XRCC1: variants seen among roughly 807,000 people sequenced by gnomAD.
XRCC1 encodes DNA repair protein XRCC1.
XRCC1 carries 52 observed loss-of-function variants against 83.3 expected under a neutral mutation model. The ratio of observed to expected loss-of-function variants is 0.62; its 90% CI spans 0.50 to 0.79. The LOEUF is 0.79. Among genes scored for constraint, XRCC1 ranks in the 30% least tolerant of loss-of-function variants. The pLI is 0.00. For synonymous variants in XRCC1, 281 were observed against 312.6 expected (o/e 0.90, Z 1.07); for missense variants, 793 against 823.5 (o/e 0.96, Z 0.45).
chr19:43,553,280 C>T lies in XRCC1; in HGVS notation c.601+121G>A, dbSNP rs1972600985. 8.0e-6 allele frequency: 10 copies of T among 1,248,752 alleles called. No individual in the cohort carries two copies. The South Asian group carries it at 1.2e-4, about 15-fold the overall frequency. 77.4% of individuals were successfully genotyped at this position (1,248,752 alleles called of 1,614,324 possible). The stretch of plus-strand genomic sequence containing the variant: ...TCCTCCACCCTGAGACCCAGGAGTC[C>T]AGGACTCCACTACCCTCCTCCCTCA... On this transcript the variant is annotated intron_variant, in intron 6 of 16. Transcript: ENST00000262887.
At chr19:43,560,702 C>G (rs1393078614) in intron 3 of XRCC1, among the ~76,000 whole-genome samples, 1 of 152,210 alleles carries the variant, frequency 6.6e-6, no homozygotes. Flanking sequence ...AAGCCATGAT[C>G]CAAACTTGCT....
At chr19:43,563,877 C>G (rs925947444) in intron 2 of XRCC1, among the ~76,000 whole-genome samples, 1 of 152,156 alleles carries the variant, frequency 6.6e-6, no homozygotes, top group Non-Finnish European at 1.5e-5. Flanking sequence ...TAGCATCTGT[C>G]TCTCCCGCCA....
chr19:43,554,856 G>T, intron 3 of XRCC1, 52 bp from the exon 4 acceptor site: 1 of 1,576,260 alleles, frequency 6.3e-7, no homozygotes, highest in Non-Finnish European at 8.7e-7. Flanking sequence ...TGGCTTAGAT[G>T]AGAGCTTCTA....
At chr19:43,565,197 C>T (rs1972740512) in intron 2 of XRCC1, among the ~76,000 whole-genome samples, 1 of 152,164 alleles carries the variant, frequency 6.6e-6, no homozygotes, top group Admixed American at 6.6e-5. Flanking sequence ...TAAAATATTT[C>T]CAGGTTCTGG....
chr19:43,543,527 ATAC>A (rs777015591), intron 16 of XRCC1, 22 bp from the exon 17 acceptor site: 1 of 1,613,538 alleles, frequency 6.2e-7, no homozygotes, highest in East Asian at 2.2e-5. Flanking sequence ...GGTGGAGTCC[ATAC>A]GGGAATGTGT....
At chr19:43,546,496 C>G (rs1240778057) in intron 12 of XRCC1, 99 bp downstream of exon 12, 4 of 1,402,154 alleles carry the variant, frequency 2.9e-6, no homozygotes, top group Non-Finnish European at 2.9e-6. Flanking sequence ...AGTCCAGGCC[C>G]CAGCCCCTCC....
chr19:43,560,063 G>A (rs565023284), intron 3 of XRCC1, among the ~76,000 whole-genome samples: 62 of 150,536 alleles, frequency 4.1e-4, no homozygotes, highest in Middle Eastern at 3.6e-3. Context: ...CCTGGGCAAC[G>A]GAAATGAAAC....
intron 14 of XRCC1, among the ~76,000 whole-genome samples, chr19:43,545,536 C>G (rs1301873860): frequency 6.6e-6 from 1 of 152,092 alleles, no homozygotes; most frequent in Non-Finnish European, 1.5e-5. Flanking sequence ...GCCCTCACCC[C>G]TGACGTGAAA....
chr19:43,553,747 CT>C, intron 4 of XRCC1, 64 bp from the exon 5 acceptor site: 2 of 1,375,168 alleles, frequency 1.5e-6, no homozygotes, highest in Non-Finnish European at 2.0e-6. Flanking sequence ...GCCCAAGACC[CT>C]TTTCACTCAG....
chr19:43,568,977 TA>T (rs34220562), intron 2 of XRCC1, among the ~76,000 whole-genome samples: 15,039 of 136,904 alleles, frequency 0.11, 901 homozygotes, highest in East Asian at 0.26. Context: ...CCAAAAAGCT[TA>T]AAAAAAAAAA....
rs192763107 is a variant in XRCC1, at chr19:43,546,230, C to T, written c.1427-124G>A. On this transcript the variant is annotated intron_variant, in intron 12 of 16. Coordinates refer to ENST00000262887, the MANE Select transcript of XRCC1 (RefSeq NM_006297.3). ...GCCTCAACTGCCCTCCAGATCCAGT[C>T]GTCTGGGCCCCCAGCCCCTCCTCCC... 1.3e-4 allele frequency: 140 copies of T among 1,110,888 alleles called. No individual in the cohort carries two copies. In the East Asian group the frequency reaches 3.2e-3, roughly 25 times the overall value. 68.8% of individuals were successfully genotyped at this position (1,110,888 alleles called of 1,614,324 possible).
At position 43,562,171 on chromosome 19, in the gene XRCC1, G is replaced by T. The variant is rs548180100; in HGVS notation, c.145-1151C>A. The stretch of plus-strand genomic sequence containing the variant: ...AAAAAAAAAAAAAAAAAAAACCAAG[G>T]TACCTAGTCCACCCTACACTGCCCT... On this transcript the variant is annotated intron_variant, in intron 2 of 16. Transcript: ENST00000262887. Among the ~76,000 whole-genome samples, 3 of 150,228 alleles carry T rather than the reference G, an allele frequency of 2.0e-5. No homozygotes were observed. The South Asian group carries it at 6.3e-4, about 32-fold the overall frequency.
At position 43,545,949 on chromosome 19, in the gene XRCC1, TC is replaced by T; in HGVS notation, c.1489del (p.Glu497SerfsTer81). The T allele has an allele frequency of 1.2e-6, 2 of 1,613,826 alleles. No individual in the cohort carries two copies. Among genetic ancestry groups the T allele is most frequent in the Non-Finnish European group, 1.7e-6 (2 of 1,179,864 alleles). ...DTEDELRRVA[E>X]QKEHRLPPGQ... The stretch of plus-strand genomic sequence containing the variant: ...AGGGGGCAGTCTGTGTTCCTTCTGC[TC>T]TGCCACCCTGGGGGTGCCAAGAGGA... On this transcript the variant is annotated frameshift_variant, in exon 14 of 17. Transcript: ENST00000262887. LOFTEE classifies it high-confidence loss of function.
At chr19:43,548,658 C>A (rs1342941228) in intron 10 of XRCC1, among the ~76,000 whole-genome samples, 1 of 151,348 alleles carries the variant, frequency 6.6e-6, no homozygotes, top group South Asian at 2.1e-4. Context: ...GGTCCTCTGC[C>A]TAGGAAAGCC....
intron 2 of XRCC1, among the ~76,000 whole-genome samples, chr19:43,572,993 A>C (rs1488745663): frequency 6.9e-6 from 1 of 145,128 alleles, no homozygotes; most frequent in Non-Finnish European, 1.5e-5. Context: ...AGTGCAGTGA[A>C]ACCATCACAG....
In XRCC1 at chr19:43,545,806, G is replaced by A. The variant is rs1972502238; in HGVS notation, c.1621+12C>T. 2 of 1,613,298 alleles carry A rather than the reference G, an allele frequency of 1.2e-6. No homozygotes were observed. Among genetic ancestry groups the A allele is most frequent in the East Asian group, 4.5e-5 (2 of 44,884 alleles). On this transcript the variant is annotated intron_variant, in intron 14 of 16. Transcript: ENST00000262887. ...AAAATGCCACTTCAGGAGGGATGGGGGGATTTCCCACCTGGGAGCTCAGGG... is the reference window on the plus strand; with the variant it reads ...AAAATGCCACTTCAGGAGGGATGGGAGGATTTCCCACCTGGGAGCTCAGGG...
Position 43,552,204 on chromosome 19 carries a change from G to T in XRCC1, c.895C>A (p.Pro299Thr), listed in dbSNP as rs763294527. ...ARAQGAVTGK[P>T]RGEGTEPRRP... The stretch of plus-strand genomic sequence containing the variant: ...CTGGGCTCGGTGCCTTCTCCTCGGG[G>T]TTTGCCTGTCACTGCCCCCTGTGCT... The change falls in exon 9 of 17, where the codon CCC (proline) becomes ACC (threonine). Residue 299 changes from proline to threonine, a missense_variant. Physicochemically the swap from Pro to Thr is conservative, Grantham distance 38. Coordinates refer to ENST00000262887, the MANE Select transcript of XRCC1 (RefSeq NM_006297.3). The T allele has an allele frequency of 1.4e-5, 22 of 1,613,804 alleles. No homozygotes were observed. Among genetic ancestry groups the T allele is most frequent in the Non-Finnish European group, 1.9e-5 (22 of 1,179,958 alleles).
intron 2 of XRCC1, among the ~76,000 whole-genome samples, chr19:43,562,397 G>A (rs145234516): frequency 6.1e-4 from 92 of 152,058 alleles, no homozygotes; most frequent in South Asian, 1.7e-3. Context: ...CGTATTCAAC[G>A]TCTCTGTGAG....
chr19:43,548,756 CAAG>C (rs1972544273), intron 10 of XRCC1, among the ~76,000 whole-genome samples: 1 of 40,162 alleles, frequency 2.5e-5, no homozygotes, highest in African/African-American at 1.2e-4. Context: ...GAGAAACACC[CAAG>C]AATGATCAAA....
Sources: gnomAD v4.1 joint callset for allele counts (sites outside exome capture counted in the v4.1 genomes callset) on GRCh38, gnomAD v4.1.1 for gene constraint, MANE v1.5 for transcripts, NCBI Gene and HGNC (gene_info 2026-07-23, HGNC 2026-07-21) for gene names.